Variants in PPP1R26 observed in about 807,000 individuals in gnomAD.
PPP1R26 encodes the protein 1A6/DRIM (down-regulated in metastasis) interacting protein.
In PPP1R26, 22 loss-of-function variants were observed where a neutral mutation model predicts 67.6. The observed-to-expected ratio is 0.33, with a 90% CI of 0.23 to 0.46. PPP1R26 has a LOEUF of 0.46. Among genes scored for constraint, PPP1R26 ranks in the 20% least tolerant of loss-of-function variants. The pLI is 1.00. For synonymous variants in PPP1R26, 729 were observed against 717.2 expected, an observed-to-expected ratio of 1.02 and a Z score of -0.26; for missense variants, 1,602 against 1,651.4, an observed-to-expected ratio of 0.97 and a Z score of 0.52.
rs755310339 is a variant in PPP1R26 at position 135,487,047 on chromosome 9, C to T, written c.2537C>T (p.Ala846Val). 6.8e-6 allele frequency: 11 copies of T among 1,610,812 alleles called. No individual in the cohort carries two copies. Among genetic ancestry groups the T allele is most frequent in the Admixed American group, 5.0e-5 (3 of 59,910 alleles). Residue 846 changes from alanine (A) to valine (V), a missense_variant, in exon 4 of 4, where the codon GCG (alanine) becomes GTG (valine). Ala to Val is a moderately conservative substitution (Grantham distance 64). Coordinates refer to ENST00000356818, the MANE Select transcript of PPP1R26 (RefSeq NM_014811.5). The stretch of plus-strand genomic sequence containing the variant: ...GAACTGGAGATTAGGAAGTTTTTGG[C>T]GGAAAAGGCCAAGGAGTCAGTGAGC... ...SIELEIRKFL[A>V]EKAKESVSSS...
In PPP1R26 at chr9:135,485,864, G is replaced by A. The variant is rs752763158; in HGVS notation, c.1354G>A (p.Glu452Lys). 13 of 1,613,342 alleles carry A rather than the reference G, an allele frequency of 8.1e-6. No homozygotes were observed. The highest frequency in any genetic ancestry group is 1.1e-5 in the Non-Finnish European group (13 of 1,180,026). The change falls in exon 4 of 4, where the codon GAA becomes AAA. Residue 452 changes from glutamate (E) to lysine (K), a missense_variant. Around this residue, in one of 5 missense-constraint regions of PPP1R26, gnomAD observed 680 missense variants for 726.1 expected, o/e 0.94. Coordinates refer to ENST00000356818, the MANE Select transcript of PPP1R26 (RefSeq NM_014811.5). The surrounding 1 kb of genome is among the most constrained non-coding windows in gnomAD (Gnocchi z 7.2). ...TGACCATGCCCCCAAGCTCCTGAAG[G>A]AAACCAAAGCTCCACCTCCAGCGAG... ...DTDHAPKLLK[E>K]TKAPPPASPA...
In PPP1R26 at chr9:135,484,505, G is replaced by C. The variant is rs767896126; in HGVS notation, c.-6G>C. 1 of 1,582,460 alleles carries C rather than the reference G, an allele frequency of 6.3e-7. No homozygotes were observed. Among genetic ancestry groups the C allele is most frequent in the Non-Finnish European group, 8.6e-7 (1 of 1,166,880 alleles). On this transcript the variant is annotated 5_prime_UTR_variant, in exon 4 of 4. Coordinates refer to ENST00000356818, the MANE Select transcript of PPP1R26 (RefSeq NM_014811.5). ...CCCCTCTGCGCGCCCCTCCCCGTCTGCTAGAATGTTTCTCATGAACGCTTC... is the reference window on the plus strand; with the variant it reads ...CCCCTCTGCGCGCCCCTCCCCGTCTCCTAGAATGTTTCTCATGAACGCTTC...
In PPP1R26 at chr9:135,485,161, C is replaced by T. The variant is rs1345989061; in HGVS notation, c.651C>T (p.Ser217=). 11 of 1,612,780 alleles carry T rather than the reference C, an allele frequency of 6.8e-6. No individual in the cohort carries two copies. Among genetic ancestry groups the T allele is most frequent in the African/African-American group, 1.3e-5 (1 of 74,942 alleles). Residue 217 remains serine (S), a synonymous_variant, in exon 4 of 4, where the codon AGC becomes AGT. Transcript: ENST00000356818. This position sits in a 1 kb window ranked among gnomAD's most constrained non-coding sequence, Gnocchi z 7.2. The part of the protein sequence containing the change: ...DQGSASPVSV[S]SDDSFEQSIR... ...GCTCCGCCTCCCCGGTCAGTGTGAG[C>T]AGCGATGACTCCTTCGAGCAGAGCA...
chr9:135,487,401 A>G lies in PPP1R26; in HGVS notation c.2891A>G (p.Gln964Arg), dbSNP rs1357797346. ...AGAAATGTTTACGTTCACAAAGACCAGAGCCCACGAGGGGCTGAGCCTGCT... is the reference window on the plus strand; with the variant it reads ...AGAAATGTTTACGTTCACAAAGACCGGAGCCCACGAGGGGCTGAGCCTGCT... The part of the protein sequence containing the change: ...SRRNVYVHKD[Q>R]SPRGAEPAAK... The change falls in exon 4 of 4, where the codon CAG (glutamine) becomes CGG (arginine). Residue 964 changes from glutamine to arginine, a missense_variant. Physicochemically the swap from Gln to Arg is conservative, Grantham distance 43. Coordinates refer to ENST00000356818, the MANE Select transcript of PPP1R26 (RefSeq NM_014811.5). 2 of 1,588,180 alleles carry G rather than the reference A, an allele frequency of 1.3e-6. No homozygotes were observed. Among genetic ancestry groups the G allele is most frequent in the East Asian group, 4.5e-5 (2 of 44,612 alleles).
chr9:135,481,343 C>G (rs1403989878), intron 1 of PPP1R26, among the ~76,000 whole-genome samples: 1 of 150,122 alleles, frequency 6.7e-6, no homozygotes, highest in Non-Finnish European at 1.5e-5. Context: ...CTGGTTCAAG[C>G]GATTCTCGTG....
In PPP1R26 at chr9:135,486,130, A is replaced by G. The variant is rs1830719984; in HGVS notation, c.1620A>G (p.Thr540=). The stretch of plus-strand genomic sequence containing the variant: ...ACAGCATCGAGCAGGAAATCCGGAC[A>G]TTTTTGGCCCTAAAGGCGCAGTCAG... ...SDDSIEQEIR[T]FLALKAQSGS... is the part of the protein sequence containing the mutation. The change falls in exon 4 of 4, where the codon ACA becomes ACG. Residue 540 remains threonine, a synonymous_variant. Coordinates refer to ENST00000356818, the MANE Select transcript of PPP1R26 (RefSeq NM_014811.5). This position sits in a 1 kb window ranked among gnomAD's most constrained non-coding sequence, Gnocchi z 6.2. The G allele has an allele frequency of 6.2e-7, 1 of 1,612,798 alleles. No homozygotes were observed. Among genetic ancestry groups the G allele is most frequent in the Non-Finnish European group, 8.5e-7 (1 of 1,180,028 alleles).
Position 135,487,834 on chromosome 9 carries a change from G to A in PPP1R26, c.3324G>A (p.Gly1108=). 1 of 1,593,850 alleles carries A rather than the reference G, an allele frequency of 6.3e-7. No individual in the cohort carries two copies. Among genetic ancestry groups the A allele is most frequent in the Non-Finnish European group, 8.5e-7 (1 of 1,172,256 alleles). ...RQAGLFSPHL[G]LPLQGPSFSA... is the part of the protein sequence containing the mutation. ...CTGGCCTCTTCAGCCCCCACCTGGG[G>A]CTGCCTCTGCAGGGCCCCTCCTTCT... The change falls in exon 4 of 4, where the codon GGG becomes GGA. Residue 1108 remains glycine, a synonymous_variant. Transcript: ENST00000356818.
In PPP1R26 at chr9:135,487,431, A is replaced by G. The variant is rs777007915; in HGVS notation, c.2921A>G (p.Lys974Arg). Residue 974 changes from lysine (K) to arginine (R), a missense_variant, in exon 4 of 4, where the codon AAA becomes AGA. Around this residue, in one of 5 missense-constraint regions of PPP1R26, gnomAD observed 740 missense variants for 696.3 expected, o/e 1.06. Coordinates refer to ENST00000356818, the MANE Select transcript of PPP1R26 (RefSeq NM_014811.5). ...QSPRGAEPAA[K>R]SAFGQLPSCA... ...CCACGAGGGGCTGAGCCTGCTGCCA[A>G]AAGTGCTTTTGGTCAGCTGCCCAGC... The G allele has an allele frequency of 8.1e-6, 13 of 1,606,394 alleles. No individual in the cohort carries two copies. The highest frequency in any genetic ancestry group is 2.2e-4 in the Middle Eastern group (1 of 4,506).
rs749591665 is a variant in PPP1R26, at chr9:135,488,034, G to A, written c.3524G>A (p.Arg1175Lys). Residue 1175 changes from arginine (R) to lysine (K), a missense_variant, in exon 4 of 4, where the codon AGG (arginine) becomes AAG (lysine). Arg to Lys is a conservative substitution (Grantham distance 26). Around this residue, in one of 5 missense-constraint regions of PPP1R26, gnomAD observed 740 missense variants for 696.3 expected, o/e 1.06. Transcript: ENST00000356818. The part of the protein sequence containing the change: ...ESILDLRYRR[R>K]VNRDDQEQDA... ...ATTTTAGACCTGAGGTATCGACGAA[G>A]GGTCAACAGGGATGACCAGGAGCAG... 3.7e-6 allele frequency: 6 copies of A among 1,609,610 alleles called. No individual in the cohort carries two copies. In the African/African-American group the frequency reaches 4.0e-5, roughly 11 times the overall value.
At chr9:135,480,402 G>A (rs1056669314) in intron 1 of PPP1R26, 1 of 152,216 alleles carries the variant, frequency 6.6e-6, no homozygotes, top group Non-Finnish European at 1.5e-5. Context: ...TTCCGGGAGG[G>A]TGGCCGCTCT....
Position 135,485,382 on chromosome 9 carries a change from A to G in PPP1R26, c.872A>G (p.Lys291Arg), listed in dbSNP as rs774881863. The G allele has an allele frequency of 2.2e-5, 36 of 1,612,904 alleles. 1 individual carries two copies. Among genetic ancestry groups the G allele is most frequent in the South Asian group, 1.9e-4 (17 of 91,076 alleles). The change falls in exon 4 of 4, where the codon AAA becomes AGA. Residue 291 changes from lysine to arginine, a missense_variant. By Grantham distance (26) the Lys-to-Arg change is conservative. Coordinates refer to ENST00000356818, the MANE Select transcript of PPP1R26 (RefSeq NM_014811.5). The surrounding 1 kb of genome is among the most constrained non-coding windows in gnomAD (Gnocchi z 7.2). ...LGVQKEFAFR[K>R]PPRLAKMNVQ... ...GTCCAGAAGGAGTTTGCCTTCCGCAAACCTCCCCGGTTAGCGAAGATGAAC... is the reference window on the plus strand; with the variant it reads ...GTCCAGAAGGAGTTTGCCTTCCGCAGACCTCCCCGGTTAGCGAAGATGAAC...
chr9:135,480,128 G>C (rs1205341866), intron 1 of PPP1R26, 106 bp downstream of exon 1: 1 of 150,426 alleles, frequency 6.6e-6, no homozygotes, highest in Non-Finnish European at 1.5e-5. Context: ...TGCAGGCCGC[G>C]GCGGGCGGGC....
Position 135,484,437 on chromosome 9 carries a change from C to T in PPP1R26, c.-62-12C>T, listed in dbSNP as rs1830630338. On this transcript the variant is annotated splice_polypyrimidine_tract_variant and intron_variant, in intron 3 of 3. Transcript: ENST00000356818. ...TAGCTGCATCATGCCCATGTGCTTT[C>T]TTTCCGCCCAGGATGTGAAGCCGGT... 4 of 1,374,136 alleles carry T rather than the reference C, an allele frequency of 2.9e-6. No homozygotes were observed. The highest frequency in any genetic ancestry group is 4.0e-6 in the Non-Finnish European group (4 of 1,006,074). 85.1% of individuals were successfully genotyped at this position (1,374,136 alleles called of 1,614,324 possible).
chr9:135,484,715 G>C lies in PPP1R26; in HGVS notation c.205G>C (p.Ala69Pro). Residue 69 changes from alanine to proline, a missense_variant, in exon 4 of 4, where the codon GCA becomes CCA. This residue lies in a region of PPP1R26 where 168 missense variants were observed against 176.1 expected (regional missense o/e 0.95). Transcript: ENST00000356818. ...TCGGGGCACCAGCGATGAGCGCGCC[G>C]CACAGAGGGGCCACAGGGCAGAGGG... ...AARGTSDERA[A>P]QRGHRAEGCH... 6.2e-7 allele frequency: 1 copy of C among 1,609,518 alleles called. No homozygotes were observed. The highest frequency in any genetic ancestry group is 8.5e-7 in the Non-Finnish European group (1 of 1,178,912).
rs776560398 is a variant in PPP1R26, at chr9:135,486,908, G to A, written c.2398G>A (p.Ala800Thr). The change falls in exon 4 of 4, where the codon GCC (alanine) becomes ACC (threonine). Residue 800 changes from alanine (A) to threonine (T), a missense_variant. Ala to Thr is a moderately conservative substitution (Grantham distance 58, BLOSUM62 0). Coordinates refer to ENST00000356818, the MANE Select transcript of PPP1R26 (RefSeq NM_014811.5). This position sits in a 1 kb window ranked among gnomAD's most constrained non-coding sequence, Gnocchi z 6.2. ...CCTGGCCTTCCGGGTGAGGAGACCC[G>A]CCTCCGCCTCTGCCTCCGAAGGGAA... ...AALAFRVRRP[A>T]SASASEGNPF... 4.2e-5 allele frequency: 67 copies of A among 1,612,692 alleles called. No homozygotes were observed. The East Asian group carries it at 9.6e-4, about 23-fold the overall frequency.
rs760040258 is a variant in PPP1R26, at chr9:135,485,165, G to A, written c.655G>A (p.Asp219Asn). 5.0e-6 allele frequency: 8 copies of A among 1,612,774 alleles called. No homozygotes were observed. The highest frequency in any genetic ancestry group is 1.6e-4 in the Middle Eastern group (1 of 6,078). The part of the protein sequence containing the change: ...GSASPVSVSS[D>N]DSFEQSIRAE... ...CGCCTCCCCGGTCAGTGTGAGCAGC[G>A]ATGACTCCTTCGAGCAGAGCATCAG... Residue 219 changes from aspartate (D) to asparagine (N), a missense_variant, in exon 4 of 4, where the codon GAT (aspartate) becomes AAT (asparagine). Physicochemically the swap from Asp to Asn is conservative, Grantham distance 23 (BLOSUM62 1). Coordinates refer to ENST00000356818, the MANE Select transcript of PPP1R26 (RefSeq NM_014811.5). The surrounding 1 kb of genome is among the most constrained non-coding windows in gnomAD (Gnocchi z 7.2).
rs145057863 is a variant in PPP1R26, at chr9:135,487,474, C to T, written c.2964C>T (p.Thr988=). Residue 988 remains threonine, a synonymous_variant, in exon 4 of 4, where the codon ACC becomes ACT. Transcript: ENST00000356818. ...TGCCCAGCTGTGCCACAGCGGGCAC[C>T]GAGGCAGGAGGCGCCAGAGGAACCT... The part of the protein sequence containing the change: ...GQLPSCATAG[T]EAGGARGTFH... 44 of 1,610,430 alleles carry T rather than the reference C, an allele frequency of 2.7e-5. No individual in the cohort carries two copies. The highest frequency in any genetic ancestry group is 3.6e-5 in the Non-Finnish European group (43 of 1,179,724).
Position 135,488,667 on chromosome 9 carries a change from GC to G in PPP1R26, c.*529del, listed in dbSNP as rs1339639213. The G allele has an allele frequency of 1.8e-5, 3 of 167,182 alleles. No individual in the cohort carries two copies. The East Asian group carries it at 5.8e-4, about 32-fold the overall frequency. 10.4% of individuals were successfully genotyped at this position (167,182 alleles called of 1,614,324 possible). ...CCGCCTCGGCCCCACGTCCTTAGAG[GC>G]CAGAGCACATCTGAAAACTGCAATC... On this transcript the variant is annotated 3_prime_UTR_variant, in exon 4 of 4. Coordinates refer to ENST00000356818, the MANE Select transcript of PPP1R26 (RefSeq NM_014811.5).
In PPP1R26 at chr9:135,486,318, G is replaced by A. The variant is rs35693729; in HGVS notation, c.1808G>A (p.Arg603Lys). The A allele has an allele frequency of 1.8e-3, 2,963 of 1,613,022 alleles. 46 individuals carry two copies. In the African/African-American group the frequency reaches 0.036, roughly 19 times the overall value. The change falls in exon 4 of 4, where the codon AGG becomes AAG. Residue 603 changes from arginine (R) to lysine (K), a missense_variant. Coordinates refer to ENST00000356818, the MANE Select transcript of PPP1R26 (RefSeq NM_014811.5). The surrounding 1 kb of genome is among the most constrained non-coding windows in gnomAD (Gnocchi z 6.2). ...KRKRRGGGHV[R>K]PSTPKKMQEV... ...AAGCGTAGAGGTGGTGGCCATGTGA[G>A]GCCATCCACGCCCAAGAAAATGCAG...
Sources: gnomAD v4.1 joint callset for allele counts (sites outside exome capture counted in the v4.1 genomes callset) on GRCh38, gnomAD v4.1.1 for gene constraint, gnomAD v4.1.1 regional missense constraint, Gnocchi (gnomAD v3.1) non-coding constraint, MANE v1.5 for transcripts, NCBI Gene and HGNC (gene_info 2026-07-23, HGNC 2026-07-21) for gene names.